SPDYE5: variants seen among roughly 807,000 people sequenced by gnomAD.
The protein encoded by SPDYE5 is speedy protein E5.
A neutral mutation model predicts 48.5 loss-of-function variants in SPDYE5; 15 were observed. The observed-to-expected ratio is 0.31, with a 90% CI of 0.21 to 0.48. The LOEUF (loss-of-function observed/expected upper bound fraction) is 0.48. SPDYE5 is among the 20% of genes least tolerant of loss of function. The pLI, the probability that SPDYE5 is intolerant of heterozygous loss-of-function variation, is 0.99. For missense variants in SPDYE5, 331 were observed against 549.1 expected, an observed-to-expected ratio of 0.60 and a Z score of 3.97; for synonymous variants, 116 against 200.7, an observed-to-expected ratio of 0.58 and a Z score of 3.57.
chr7:75,492,717 G>A (rs1792780279), intron 1 of SPDYE5, among the ~76,000 whole-genome samples: 1 of 152,144 alleles, frequency 6.6e-6, no homozygotes, highest in South Asian at 2.1e-4. Context: ...GGGATTACAG[G>A]CATGAGCCAC....
At chr7:75,495,403 A>G (rs1554482396) in intron 3 of SPDYE5, 29 bp downstream of exon 3, 4 of 1,597,102 alleles carry the variant, frequency 2.5e-6, no homozygotes, top group Admixed American at 3.3e-5. Flanking sequence ...GAGCACCTCC[A>G]ATCCTGTTCT....
At position 75,495,187 on chromosome 7, in the gene SPDYE5, G is replaced by A. The variant is rs1339885396; in HGVS notation, c.192G>A (p.Arg64=). The A allele has an allele frequency of 6.3e-7, 1 of 1,597,282 alleles. No homozygotes were observed. The highest frequency in any genetic ancestry group is 8.5e-7 in the Non-Finnish European group (1 of 1,179,830). The stretch of plus-strand genomic sequence containing the variant: ...GGGTAGATCCCAGCCCCCCATGTAG[G>A]TCCCTTGGCTGGAAAAGGAAGAGGG... ...APGVDPSPPC[R]SLGWKRKREW... Residue 64 remains arginine, a synonymous_variant, in exon 3 of 9, where the codon AGG becomes AGA. Transcript: ENST00000625065.
intron 1 of SPDYE5, 25 bp from the exon 2 acceptor site, chr7:75,493,602 C>T (rs1554482034): frequency 1.6e-6 from 2 of 1,228,528 alleles, no homozygotes; most frequent in East Asian, 3.2e-5. Context: ...AGTTTTCTTT[C>T]CCACTCTGTT....
intron 4 of SPDYE5, 137 bp downstream of exon 4, chr7:75,497,041 A>C (rs1792960103): frequency 1.6e-6 from 1 of 631,214 alleles, no homozygotes; most frequent in Non-Finnish European, 2.8e-6. Context: ...TGAAGTGATC[A>C]CTCATGAGGG....
In SPDYE5 at chr7:75,503,789, ATATT is replaced by A. The variant is rs1793232496; in HGVS notation, c.*1007_*1010del. On this transcript the variant is annotated 3_prime_UTR_variant, in exon 9 of 9. Coordinates refer to ENST00000625065, the MANE Select transcript of SPDYE5 (RefSeq NM_001306141.4). ...TTTAAATATTATTTTATTTATTGAA[ATATT>A]TATTAAATATATTTATTTAAATATT... 6.7e-6 allele frequency: 1 copy of A among 149,598 alleles called. No homozygotes were observed. Among genetic ancestry groups the A allele is most frequent in the Non-Finnish European group, 1.5e-5 (1 of 67,488 alleles). The allele number at this position is 149,598 out of a possible 1,614,324, so 9.3% of individuals were successfully genotyped here.
intron 5 of SPDYE5, among the ~76,000 whole-genome samples, chr7:75,498,926 G>A (rs1360076559): frequency 1.3e-5 from 2 of 151,356 alleles, no homozygotes; most frequent in African/African-American, 4.8e-5. Flanking sequence ...CTTCAGGACA[G>A]TTCTCTGCCT....
At chr7:75,495,513 C>A in intron 3 of SPDYE5, 139 bp downstream of exon 3, 1 of 1,525,870 alleles carries the variant, frequency 6.6e-7, no homozygotes, top group South Asian at 1.2e-5. Context: ...GAAGTGATCA[C>A]TCATGAGGGA....
intron 6 of SPDYE5, among the ~76,000 whole-genome samples, chr7:75,500,873 G>C (rs1793120520): frequency 6.6e-6 from 1 of 152,004 alleles, no homozygotes; most frequent in African/African-American, 2.4e-5. Flanking sequence ...GCACCAGGCT[G>C]ATTTTTGTAT....
In SPDYE5 at chr7:75,495,242, G is replaced by C; in HGVS notation, c.247G>C (p.Glu83Gln). 1 of 1,596,646 alleles carries C rather than the reference G, an allele frequency of 6.3e-7. No homozygotes were observed. Among genetic ancestry groups the C allele is most frequent in the Non-Finnish European group, 8.5e-7 (1 of 1,179,480 alleles). Residue 83 changes from glutamate to glutamine, a missense_variant, in exon 3 of 9, where the codon GAG (glutamate) becomes CAG (glutamine). Glu to Gln is a conservative substitution (Grantham distance 29). Around this residue, in one of 8 missense-constraint regions of SPDYE5, gnomAD observed 65 missense variants for 138.2 expected, o/e 0.47. Transcript: ENST00000625065. ...GTCAGATGAATCTGCGGAGGAGCCG[G>C]AGAAGGAGCTCGCCCCTGAACCTGA... Reference protein sequence around the residue: ...EWSDESAEEPEKELAPEPEET... With the variant: ...EWSDESAEEPQKELAPEPEET...
Position 75,494,125 on chromosome 7 carries a change from C to T in SPDYE5, c.78C>T (p.Pro26=). Residue 26 remains proline (P), a synonymous_variant, in exon 2 of 9, where the codon CCC becomes CCT. Transcript: ENST00000625065. ...TCACGACCAGCCGTCAACCGCAACCCCAGAATGAGCAGAGTCCCCAGCGGA... is the reference window on the plus strand; with the variant it reads ...TCACGACCAGCCGTCAACCGCAACCTCAGAATGAGCAGAGTCCCCAGCGGA... ...EKITTSRQPQ[P]QNEQSPQRST... 1 of 1,535,376 alleles carries T rather than the reference C, an allele frequency of 6.5e-7. No individual in the cohort carries two copies. The highest frequency in any genetic ancestry group is 2.4e-5 in the East Asian group (1 of 40,898).
At chr7:75,500,760 A>G (rs1428259104) in intron 6 of SPDYE5, among the ~76,000 whole-genome samples, 3 of 152,108 alleles carry the variant, frequency 2.0e-5, no homozygotes, top group Non-Finnish European at 4.4e-5. Flanking sequence ...TCAGGCTGGA[A>G]TGGAGTGGCC....
intron 5 of SPDYE5, 78 bp from the exon 6 acceptor site, chr7:75,499,153 A>AC: frequency 1.6e-6 from 2 of 1,253,062 alleles, no homozygotes; most frequent in Non-Finnish European, 2.3e-6. Context: ...CCCTCCCCAG[A>AC]CCCTCATTCC....
chr7:75,501,629 A>T lies in SPDYE5; in HGVS notation c.1023A>T (p.Leu341Phe). The T allele has an allele frequency of 1.2e-6, 2 of 1,611,296 alleles. No homozygotes were observed. Among genetic ancestry groups the T allele is most frequent in the Non-Finnish European group, 1.7e-6 (2 of 1,179,118 alleles). ...TGCTCCGTAAGCGTCGGTTCCAGTT[A>T]GGCCGTTCCATGAACCTGAGGGCCA... is the stretch of plus-strand genomic sequence containing the variant. The part of the protein sequence containing the change: ...IPLLRKRRFQ[L>F]GRSMNLRARK... Residue 341 changes from leucine to phenylalanine, a missense_variant, in exon 7 of 9, where the codon TTA (leucine) becomes TTT (phenylalanine). Around this residue, in one of 8 missense-constraint regions of SPDYE5, gnomAD observed 101 missense variants for 104.0 expected, o/e 0.97. Coordinates refer to ENST00000625065, the MANE Select transcript of SPDYE5 (RefSeq NM_001306141.4).
chr7:75,503,826 G>T lies in SPDYE5; in HGVS notation c.*1039G>T, dbSNP rs1172096136. ...TATATTTATTTAAATATTATTACTTGAAATATTATTTTAAATATTTTTGAA... is the reference window on the plus strand; with the variant it reads ...TATATTTATTTAAATATTATTACTTTAAATATTATTTTAAATATTTTTGAA... On this transcript the variant is annotated 3_prime_UTR_variant, in exon 9 of 9. Transcript: ENST00000625065. The T allele has an allele frequency of 2.7e-5, 4 of 149,918 alleles. No individual in the cohort carries two copies. The highest frequency in any genetic ancestry group is 1.3e-4 in the Admixed American group (2 of 15,054). The allele number at this position is 149,918 out of a possible 1,614,324, so 9.3% of individuals were successfully genotyped here.
rs147426006 is a variant in SPDYE5, at chr7:75,494,414, G to T, written c.160+207G>T. ...TATAAAAATTAGCCAAGTGGTAGTGGTGCACACCTGTAATCCCAGCTACTC... is the reference window on the plus strand; with the variant it reads ...TATAAAAATTAGCCAAGTGGTAGTGTTGCACACCTGTAATCCCAGCTACTC... On this transcript the variant is annotated intron_variant, in intron 2 of 8. Transcript: ENST00000625065. Among the ~76,000 whole-genome samples, 591 of 150,932 alleles carry T rather than the reference G, an allele frequency of 3.9e-3. 1 individual carries two copies. The highest frequency in any genetic ancestry group is 7.0e-3 in the Non-Finnish European group (477 of 67,808).
chr7:75,492,501 C>T (rs1668964274), intron 1 of SPDYE5, among the ~76,000 whole-genome samples, 60 bp downstream of exon 1: 1 of 152,072 alleles, frequency 6.6e-6, no homozygotes, highest in Non-Finnish European at 1.5e-5. Flanking sequence ...CACAATGGTG[C>T]GATCTTGGCT....
rs1373750293 is a variant in SPDYE5 at position 75,493,889 on chromosome 7, G to A, written c.-159G>A. The A allele has an allele frequency of 6.9e-7, 1 of 1,459,486 alleles. No homozygotes were observed. 90.4% of individuals were successfully genotyped at this position (1,459,486 alleles called of 1,614,324 possible). A position where few individuals can be genotyped will look rare whatever the true frequency, so the allele number is the denominator to read the frequency against. On this transcript the variant is annotated 5_prime_UTR_variant, in exon 2 of 9. Coordinates refer to ENST00000625065, the MANE Select transcript of SPDYE5 (RefSeq NM_001306141.4). ...GGTTGGCATGAGCGATGACATCAGA[G>A]ATTCCGACCATCCTGATTGGAGGGA...
chr7:75,498,687 T>A (rs2116614391), intron 5 of SPDYE5, among the ~76,000 whole-genome samples: 1 of 152,302 alleles, frequency 6.6e-6, no homozygotes, highest in East Asian at 1.9e-4. Context: ...TGGGCTCACA[T>A]GATCCTCCTG....
chr7:75,493,955 T>C lies in SPDYE5; in HGVS notation c.-93T>C, dbSNP rs1225685856. The C allele has an allele frequency of 3.0e-5, 45 of 1,505,492 alleles. 1 individual carries two copies. In the Admixed American group the frequency reaches 8.3e-4, roughly 28 times the overall value. 93.3% of individuals were successfully genotyped at this position (1,505,492 alleles called of 1,614,324 possible). A position where few individuals can be genotyped will look rare whatever the true frequency, so the allele number is the denominator to read the frequency against. On this transcript the variant is annotated 5_prime_UTR_variant, in exon 2 of 9. Transcript: ENST00000625065. ...CCTGGAGATCAGTTGGACAACAGTA[T>C]CTTCTCAGAGCTGTTCTCCACTCCT...
Sources: allele counts gnomAD v4.1 joint callset (sites outside exome capture counted in the v4.1 genomes callset), GRCh38; gene constraint gnomAD v4.1.1; regional missense constraint gnomAD v4.1.1; transcripts MANE v1.5; gene names NCBI Gene and HGNC (gene_info 2026-07-23, HGNC 2026-07-21).